CAMK2D: variants seen among roughly 807,000 people sequenced by gnomAD.
The protein encoded by CAMK2D is calcium/calmodulin-dependent protein kinase type II subunit delta.
CAMK2D carries 37 observed loss-of-function variants against 84.0 expected under a neutral mutation model. That is an observed-to-expected ratio of 0.44 (90% confidence interval 0.34 to 0.58). The LOEUF (loss-of-function observed/expected upper bound fraction) is 0.58. Among genes scored for constraint, CAMK2D ranks in the 20% least tolerant of loss-of-function variants. CAMK2D has a pLI of 0.02. For missense variants in CAMK2D, 448 were observed against 652.5 expected, an observed-to-expected ratio of 0.69 and a Z score of 3.41; for synonymous variants, 202 against 212.5, an observed-to-expected ratio of 0.95 and a Z score of 0.43.
intron 4 of CAMK2D, among the ~76,000 whole-genome samples, chr4:113,593,572 G>A (rs983500173): frequency 1.3e-5 from 2 of 151,928 alleles, no homozygotes; most frequent in African/African-American, 2.4e-5. Flanking sequence ...GAGCTTCACA[G>A]TGAATACCAG....
chr4:113,602,900 G>A (rs2098959391), intron 4 of CAMK2D, among the ~76,000 whole-genome samples: 1 of 152,202 alleles, frequency 6.6e-6, no homozygotes, highest in Non-Finnish European at 1.5e-5. Context: ...CAACACATAT[G>A]TTCAGGTGAC....
At chr4:113,460,967 G>A (rs976355802) in intron 17 of CAMK2D, among the ~76,000 whole-genome samples, 5 of 152,068 alleles carry the variant, frequency 3.3e-5, no homozygotes, top group Admixed American at 6.6e-5. Context: ...GGGATTACAG[G>A]GGTGATCCAC....
At chr4:113,724,132 A>G (rs2099539169) in intron 2 of CAMK2D, among the ~76,000 whole-genome samples, 1 of 152,100 alleles carries the variant, frequency 6.6e-6, no homozygotes, top group Non-Finnish European at 1.5e-5. Context: ...TTTTGGAATA[A>G]AGAGACTTTC....
At chr4:113,565,480 G>A (rs182737524) in intron 4 of CAMK2D, among the ~76,000 whole-genome samples, 36 of 151,998 alleles carry the variant, frequency 2.4e-4, no homozygotes, top group Middle Eastern at 3.4e-3. Flanking sequence ...GTGAAACCCC[G>A]TCTCTACCAA....
At chr4:113,696,195 G>C (rs13129955) in intron 2 of CAMK2D, among the ~76,000 whole-genome samples, 8 of 144,518 alleles carry the variant, frequency 5.5e-5, no homozygotes, top group South Asian at 4.5e-4. Context: ...CAGACACACA[G>C]ACACACACAC....
intron 1 of CAMK2D, among the ~76,000 whole-genome samples, chr4:113,760,304 A>G (rs372497163): frequency 6.6e-6 from 1 of 152,128 alleles, no homozygotes; most frequent in East Asian, 1.9e-4. Flanking sequence ...CAGTCTCCAG[A>G]GGGCTTTTCC....
At chr4:113,658,540 C>A (rs969649102) in intron 3 of CAMK2D, among the ~76,000 whole-genome samples, 6 of 152,104 alleles carry the variant, frequency 3.9e-5, no homozygotes, top group African/African-American at 1.4e-4. Context: ...AACTGGAATA[C>A]CCCAACACCC....
At position 113,621,472 on chromosome 4, in the gene CAMK2D, T is replaced by C. The variant is rs1388810642; in HGVS notation, c.221-12266A>G. Among the ~76,000 whole-genome samples, 6 of 152,272 alleles carry C rather than the reference T, an allele frequency of 3.9e-5. No homozygotes were observed. The East Asian group carries it at 9.6e-4, about 24-fold the overall frequency. ...CCTTCAACCCTGAACAAAAAAACAT[T>C]AATAGAAAATATGTTCCAAGATTCT... On this transcript the variant is annotated intron_variant, in intron 3 of 20. Coordinates refer to ENST00000511664, the MANE Select transcript of CAMK2D (RefSeq NM_001321571.2).
intron 3 of CAMK2D, among the ~76,000 whole-genome samples, chr4:113,646,532 T>A (rs1294522779): frequency 6.6e-6 from 1 of 152,152 alleles, no homozygotes; most frequent in Non-Finnish European, 1.5e-5. Flanking sequence ...CCACTTTGGA[T>A]GAGCAAAGGC....
chr4:113,555,155 T>C (rs2098656215), intron 4 of CAMK2D, among the ~76,000 whole-genome samples: 1 of 152,122 alleles, frequency 6.6e-6, no homozygotes, highest in African/African-American at 2.4e-5. Flanking sequence ...AATACAACAT[T>C]TGTAAAATTT....
intron 2 of CAMK2D, among the ~76,000 whole-genome samples, chr4:113,715,076 T>C (rs569139223): frequency 3.9e-5 from 6 of 152,262 alleles, no homozygotes; most frequent in Admixed American, 2.0e-4. Context: ...ACAACCTTTA[T>C]TAGATTTCTT....
At chr4:113,705,175 A>G (rs1472158785) in intron 2 of CAMK2D, among the ~76,000 whole-genome samples, 2 of 151,494 alleles carry the variant, frequency 1.3e-5, no homozygotes, top group South Asian at 4.2e-4. Context: ...AAAAAAAAAA[A>G]AATTAGCCGG....
chr4:113,706,890 A>C lies in CAMK2D; in HGVS notation c.161-45118T>G, dbSNP rs182640109. ...GAAAGAAAGCATTTTTAACAACACA[A>C]TCACTTTGAATACATTAAAATCTTT... is the stretch of plus-strand genomic sequence containing the variant. On this transcript the variant is annotated intron_variant, in intron 2 of 20. Transcript: ENST00000511664. Among the ~76,000 whole-genome samples, 249 of 152,310 alleles carry C rather than the reference A, an allele frequency of 1.6e-3. 1 individual carries two copies. The highest frequency in any genetic ancestry group is 5.7e-3 in the African/African-American group (237 of 41,570).
At chr4:113,736,386 T>C (rs7437038) in intron 2 of CAMK2D, among the ~76,000 whole-genome samples, 51,266 of 152,032 alleles carry the variant, frequency 0.34, 10,008 homozygotes, top group Admixed American at 0.49. Flanking sequence ...ACTGTGTATA[T>C]CATACCTCAA....
intron 2 of CAMK2D, among the ~76,000 whole-genome samples, chr4:113,671,574 A>C (rs1222098282): frequency 6.6e-6 from 1 of 152,186 alleles, no homozygotes; most frequent in Non-Finnish European, 1.5e-5. Context: ...AAGCATGAAC[A>C]TTTTTGAGAT....
chr4:113,629,096 T>G (rs754031970), intron 3 of CAMK2D, among the ~76,000 whole-genome samples: 7 of 152,162 alleles, frequency 4.6e-5, no homozygotes, highest in Non-Finnish European at 5.9e-5. Context: ...GATTTTTATC[T>G]GCAGCATATT....
intron 16 of CAMK2D, among the ~76,000 whole-genome samples, chr4:113,466,901 CT>C (rs1288502883): frequency 6.6e-6 from 1 of 152,130 alleles, no homozygotes; most frequent in Non-Finnish European, 1.5e-5. Context: ...ACTTTCTGTA[CT>C]GTGTAATGTG....
intron 16 of CAMK2D, among the ~76,000 whole-genome samples, chr4:113,493,764 T>C (rs2097882150): frequency 1.3e-5 from 2 of 151,874 alleles, no homozygotes; most frequent in Admixed American, 1.3e-4. Flanking sequence ...ATTCTCCCCA[T>C]CACTTTCAGG....
intron 20 of CAMK2D, among the ~76,000 whole-genome samples, chr4:113,455,386 T>G (rs2097292274): frequency 6.6e-6 from 1 of 152,204 alleles, no homozygotes. Flanking sequence ...ATTCTAAAGC[T>G]TAATATAAAT....
Sources: gnomAD v4.1 joint callset for allele counts (sites outside exome capture counted in the v4.1 genomes callset) on GRCh38, gnomAD v4.1.1 for gene constraint, MANE v1.5 for transcripts, NCBI Gene and HGNC (gene_info 2026-07-23, HGNC 2026-07-21) for gene names.